Variants in RALGPS2 observed in about 807,000 individuals in gnomAD.
The protein encoded by RALGPS2 is ras-specific guanine nucleotide-releasing factor RalGPS2.
RALGPS2 carries 43 observed loss-of-function variants against 86.8 expected under a neutral mutation model. The ratio of observed to expected loss-of-function variants is 0.50; its 90% CI spans 0.39 to 0.64. RALGPS2 has a LOEUF of 0.64. Among genes scored for constraint, RALGPS2 ranks in the 30% least tolerant of loss-of-function variants. The pLI, the probability that RALGPS2 is intolerant of heterozygous loss-of-function variation, is 0.00. For synonymous variants in RALGPS2, 243 were observed against 231.3 expected (o/e 1.05, Z -0.46); for missense variants, 536 against 694.6 (o/e 0.77, Z 2.57).
At chr1:178,854,397 T>C (rs899874800) in intron 8 of RALGPS2, among the ~76,000 whole-genome samples, 6 of 152,142 alleles carry the variant, frequency 3.9e-5, no homozygotes, top group African/African-American at 1.2e-4. Flanking sequence ...ATGCAAAATA[T>C]TATGTTTCCC....
intron 8 of RALGPS2, among the ~76,000 whole-genome samples, chr1:178,856,202 G>GAGATATATATATATATATATATATAT (rs1428022812): frequency 2.1e-4 from 18 of 83,894 alleles, no homozygotes; most frequent in African/African-American, 1.0e-3. Flanking sequence ...GAGAGAGAGA[G>GAGATATATATATATATATATATATAT]ATATATATAT....
chr1:178,850,540 T>C (rs1211150811), intron 8 of RALGPS2: 1 of 152,080 alleles, frequency 6.6e-6, no homozygotes, highest in Non-Finnish European at 1.5e-5. Context: ...ATGTATTTAA[T>C]ACTATGGGTC....
At chr1:178,806,279 G>A (rs1186377914) in intron 4 of RALGPS2, among the ~76,000 whole-genome samples, 1 of 152,088 alleles carries the variant, frequency 6.6e-6, no homozygotes, top group Non-Finnish European at 1.5e-5. Context: ...TGATATTTGT[G>A]TTGGATATAG....
At chr1:178,903,283 A>C (rs966876197) in intron 18 of RALGPS2, among the ~76,000 whole-genome samples, 8 of 152,314 alleles carry the variant, frequency 5.3e-5, no homozygotes, top group African/African-American at 1.9e-4. Context: ...GGAGGCAGGA[A>C]AAAATAATAC....
intron 2 of RALGPS2, among the ~76,000 whole-genome samples, chr1:178,781,491 T>C (rs1653392253): frequency 6.6e-6 from 1 of 152,208 alleles, no homozygotes; most frequent in East Asian, 1.9e-4. Flanking sequence ...GAATTATTGC[T>C]ATTCTCCTGG....
At chr1:178,756,119 G>C (rs1201786406) in intron 1 of RALGPS2, among the ~76,000 whole-genome samples, 2 of 152,116 alleles carry the variant, frequency 1.3e-5, no homozygotes, top group African/African-American at 4.8e-5. Flanking sequence ...TCTATAGGTT[G>C]TCTGTTGACC....
intron 1 of RALGPS2, among the ~76,000 whole-genome samples, chr1:178,770,573 A>G (rs1015022353): frequency 2.8e-5 from 4 of 145,448 alleles, no homozygotes; most frequent in Non-Finnish European, 5.9e-5. Flanking sequence ...CAGTGGTGCA[A>G]TCTTGGCTTA....
intron 1 of RALGPS2, among the ~76,000 whole-genome samples, chr1:178,759,055 G>T (rs551987542): frequency 6.6e-6 from 1 of 151,904 alleles, no homozygotes; most frequent in Non-Finnish European, 1.5e-5. Context: ...CCTTTGTTGC[G>T]CAAAAGCTTT....
Position 178,920,009 on chromosome 1 carries a change from A to G in RALGPS2, c.*3650A>G, listed in dbSNP as rs1273517792. ...CAAAGCAAGTGATGAGGTTGGTATGACTTCTTTAGTGACCTTTTAGGGTTT... is the reference window on the plus strand; with the variant it reads ...CAAAGCAAGTGATGAGGTTGGTATGGCTTCTTTAGTGACCTTTTAGGGTTT... On this transcript the variant is annotated 3_prime_UTR_variant, in exon 20 of 20. Coordinates refer to ENST00000367635, the MANE Select transcript of RALGPS2 (RefSeq NM_152663.5). 6.6e-6 allele frequency: 1 copy of G among 151,996 alleles called. No individual in the cohort carries two copies. Among genetic ancestry groups the G allele is most frequent in the Non-Finnish European group, 1.5e-5 (1 of 67,890 alleles). The allele number at this position is 151,996 out of a possible 1,614,324, so 9.4% of individuals were successfully genotyped here. A position where few individuals can be genotyped will look rare whatever the true frequency, so the allele number is the denominator to read the frequency against.
At chr1:178,739,260 A>G (rs1386328928) in intron 1 of RALGPS2, among the ~76,000 whole-genome samples, 3 of 152,174 alleles carry the variant, frequency 2.0e-5, no homozygotes, top group Admixed American at 2.0e-4. Context: ...GGCCACTGGC[A>G]TTTTTAAATG....
chr1:178,888,618 A>G (rs117349113), intron 13 of RALGPS2, among the ~76,000 whole-genome samples: 2 of 152,190 alleles, frequency 1.3e-5, no homozygotes, highest in Non-Finnish European at 2.9e-5. Flanking sequence ...TAGATAATGT[A>G]CAAGACCCCA....
At chr1:178,771,488 G>C (rs1334671126) in intron 1 of RALGPS2, among the ~76,000 whole-genome samples, 1 of 152,164 alleles carries the variant, frequency 6.6e-6, no homozygotes, top group Admixed American at 6.5e-5. Flanking sequence ...AGAGGCACAT[G>C]ATGTCTCTCT....
chr1:178,865,385 G>A (rs1658331549), intron 8 of RALGPS2: 2 of 1,614,030 alleles, frequency 1.2e-6, no homozygotes, highest in Non-Finnish European at 1.7e-6. Flanking sequence ...ATAGAGTTGA[G>A]TAACACGAGA....
chr1:178,852,602 T>A, intron 8 of RALGPS2: 1 of 1,446,632 alleles, frequency 6.9e-7, no homozygotes, highest in Middle Eastern at 2.0e-4. Flanking sequence ...GAAAAGACTT[T>A]AGTAGCATAT....
intron 16 of RALGPS2, 75 bp from the exon 17 acceptor site, chr1:178,897,576 GTGGACTTGATCAT>G: frequency 9.2e-7 from 1 of 1,082,358 alleles, no homozygotes; most frequent in South Asian, 1.3e-5. Context: ...TTGAAGTGAA[GTGGACTTGATCAT>G]TGGCACTTAG....
chr1:178,765,490 T>C (rs1476153070), intron 1 of RALGPS2, among the ~76,000 whole-genome samples: 2 of 152,100 alleles, frequency 1.3e-5, no homozygotes, highest in Non-Finnish European at 1.5e-5. Context: ...TAATAAAATA[T>C]CACAAGGCAA....
intron 7 of RALGPS2, among the ~76,000 whole-genome samples, chr1:178,822,401 G>A (rs1001975532): frequency 2.0e-5 from 3 of 151,984 alleles, no homozygotes; most frequent in African/African-American, 7.2e-5. Flanking sequence ...ATTCTTTAAT[G>A]TTAAAGAGCA....
chr1:178,851,278 T>A (rs764902710), intron 8 of RALGPS2: 1 of 1,613,228 alleles, frequency 6.2e-7, no homozygotes, highest in Admixed American at 1.7e-5. Flanking sequence ...GCACAGGCAT[T>A]GTACCACCAG....
intron 8 of RALGPS2, among the ~76,000 whole-genome samples, chr1:178,838,170 A>G (rs534049374): frequency 7.1e-4 from 108 of 152,326 alleles, no homozygotes; most frequent in Middle Eastern, 3.4e-3. Context: ...AGCTTTGAAG[A>G]GAGTAATGGT....
Sources: gnomAD v4.1 joint callset for allele counts (sites outside exome capture counted in the v4.1 genomes callset) on GRCh38, gnomAD v4.1.1 for gene constraint, MANE v1.5 for transcripts, NCBI Gene and HGNC (gene_info 2026-07-23, HGNC 2026-07-21) for gene names.